ATP10B: variants seen among roughly 807,000 people sequenced by gnomAD.
ATP10B encodes phospholipid-transporting ATPase VB.
ATP10B carries 122 observed loss-of-function variants against 141.2 expected under a neutral mutation model. The observed-to-expected ratio is 0.86, with a 90% confidence interval of 0.75 to 1.00. The LOEUF is 1.00. Ranked by LOEUF, ATP10B falls within the 50% of genes least tolerant of loss-of-function variation. The pLI, the probability that ATP10B is intolerant of heterozygous loss-of-function variation, is 0.00. For synonymous variants in ATP10B, 685 were observed against 692.0 expected, an observed-to-expected ratio of 0.99 and a Z score of 0.16; for missense variants, 1,876 against 1,825.3, an observed-to-expected ratio of 1.03 and a Z score of -0.51.
At chr5:160,591,645 G>A (rs1263496410) in intron 22 of ATP10B, among the ~76,000 whole-genome samples, 2 of 152,162 alleles carry the variant, frequency 1.3e-5, no homozygotes, top group Non-Finnish European at 2.9e-5. Context: ...CAGAAACAAG[G>A]CTTCTCAGGC....
chr5:160,603,749 G>T (rs1445671466), intron 20 of ATP10B: 2 of 526,638 alleles, frequency 3.8e-6, no homozygotes, highest in East Asian at 5.8e-5. Context: ...TAGCAGTCAA[G>T]TTAGTTTGCT....
At chr5:160,753,996 T>C (rs1768342343) in intron 2 of ATP10B, among the ~76,000 whole-genome samples, 1 of 152,152 alleles carries the variant, frequency 6.6e-6, no homozygotes, top group Non-Finnish European at 1.5e-5. Context: ...GTATCCTATA[T>C]TACAAAAGAG....
chr5:160,762,093 A>C (rs1485705042), intron 2 of ATP10B, among the ~76,000 whole-genome samples: 1 of 152,234 alleles, frequency 6.6e-6, no homozygotes, highest in Non-Finnish European at 1.5e-5. Context: ...CATAAGAATA[A>C]TTGGTTTTCT....
At chr5:160,837,988 T>C (rs745408965) in intron 1 of ATP10B, among the ~76,000 whole-genome samples, 1 of 152,204 alleles carries the variant, frequency 6.6e-6, no homozygotes, top group Non-Finnish European at 1.5e-5. Flanking sequence ...CATTTAGGAT[T>C]AGGCAATCTC....
chr5:160,593,509 G>A (rs954297806), intron 22 of ATP10B, among the ~76,000 whole-genome samples: 9 of 152,218 alleles, frequency 5.9e-5, no homozygotes, highest in Non-Finnish European at 1.0e-4. Flanking sequence ...AAAGCAGAGC[G>A]CCTCTCCTCC....
chr5:160,748,550 G>A, intron 2 of ATP10B, among the ~76,000 whole-genome samples: 1 of 152,162 alleles, frequency 6.6e-6, no homozygotes, highest in East Asian at 1.9e-4. Flanking sequence ...CCTGCTCTCG[G>A]CCTGCAGAGA....
intron 24 of ATP10B, among the ~76,000 whole-genome samples, chr5:160,588,370 G>A (rs551063085): frequency 6.6e-6 from 1 of 152,208 alleles, no homozygotes; most frequent in African/African-American, 2.4e-5. Flanking sequence ...GCTGGTTATG[G>A]CCTGCTTTAG....
chr5:160,805,132 T>C (rs964717177), intron 1 of ATP10B, among the ~76,000 whole-genome samples: 3 of 152,254 alleles, frequency 2.0e-5, no homozygotes, highest in African/African-American at 4.8e-5. Context: ...TGTCTATATA[T>C]TACATGTGTT....
rs1757790033 is a variant in ATP10B, at chr5:160,612,759, G to A, written c.2820C>T (p.Thr940=). The part of the protein sequence containing the change: ...RLLNQTDTVY[T]INTENQETCE... Reference sequence around the variant, plus strand: ...ACCTCACCTGATTCTCTGTATTGATGGTATAAACAGTGTCGGTCTGATTTA... The same window carrying A: ...ACCTCACCTGATTCTCTGTATTGATAGTATAAACAGTGTCGGTCTGATTTA... The change falls in exon 18 of 26, where the codon ACC becomes ACT. Residue 940 remains threonine, a synonymous_variant. Transcript: ENST00000327245. 1.2e-6 allele frequency: 2 copies of A among 1,613,466 alleles called. No homozygotes were observed. Among genetic ancestry groups the A allele is most frequent in the Non-Finnish European group, 1.7e-6 (2 of 1,179,716 alleles).
At chr5:160,832,982 G>T (rs1191869588) in intron 1 of ATP10B, among the ~76,000 whole-genome samples, 1 of 152,140 alleles carries the variant, frequency 6.6e-6, no homozygotes, top group African/African-American at 2.4e-5. Flanking sequence ...TGGCATGTGT[G>T]CCAAGTGCGT....
At chr5:160,637,304 C>T (rs984092152) in intron 10 of ATP10B, among the ~76,000 whole-genome samples, 1 of 151,260 alleles carries the variant, frequency 6.6e-6, no homozygotes, top group African/African-American at 2.4e-5. Context: ...CTCCTACCCA[C>T]CTACTTACCC....
At chr5:160,640,253 T>G (rs902740487) in intron 10 of ATP10B, among the ~76,000 whole-genome samples, 3 of 152,234 alleles carry the variant, frequency 2.0e-5, no homozygotes, top group African/African-American at 7.2e-5. Context: ...CTTGACCAAA[T>G]AAATATCAGA....
intron 18 of ATP10B, among the ~76,000 whole-genome samples, chr5:160,611,310 C>T (rs571559678): frequency 2.0e-5 from 3 of 152,276 alleles, no homozygotes; most frequent in South Asian, 2.1e-4. Flanking sequence ...GAAGCCCACT[C>T]GATCTCCCTC....
intron 6 of ATP10B, among the ~76,000 whole-genome samples, chr5:160,675,527 A>T (rs17058094): frequency 0.033 from 5,078 of 152,234 alleles, 189 homozygotes; most frequent in African/African-American, 0.091. Flanking sequence ...TCTGGATTTT[A>T]TTAAGAGAGT....
At chr5:160,748,879 T>A (rs975630418) in intron 2 of ATP10B, among the ~76,000 whole-genome samples, 1 of 152,214 alleles carries the variant, frequency 6.6e-6, no homozygotes, top group Non-Finnish European at 1.5e-5. Context: ...AATAAAATAA[T>A]GTAGCTACTG....
chr5:160,592,037 G>A (rs1437643377), intron 22 of ATP10B, among the ~76,000 whole-genome samples: 1 of 152,142 alleles, frequency 6.6e-6, no homozygotes, highest in African/African-American at 2.4e-5. Context: ...CCTCGATCCA[G>A]CTTCTTGCTG....
intron 2 of ATP10B, among the ~76,000 whole-genome samples, chr5:160,728,436 C>A (rs755258328): frequency 1.3e-5 from 2 of 152,108 alleles, no homozygotes; most frequent in Non-Finnish European, 2.9e-5. Flanking sequence ...ACTCTGGATA[C>A]CATGGCTCAA....
chr5:160,769,730 C>A lies in ATP10B; in HGVS notation c.-331+15829G>T, dbSNP rs112388477. Among the ~76,000 whole-genome samples, 85 of 152,346 alleles carry A rather than the reference C, an allele frequency of 5.6e-4. 1 individual carries two copies. The highest frequency in any genetic ancestry group is 2.0e-3 in the African/African-American group (83 of 41,574). ...AAAGTCAAAAGGAAACCATCTCATTCTCTTGTTCAACATCATTTTCAGTCG... is the reference window on the plus strand; with the variant it reads ...AAAGTCAAAAGGAAACCATCTCATTATCTTGTTCAACATCATTTTCAGTCG... On this transcript the variant is annotated intron_variant, in intron 2 of 25. Transcript: ENST00000327245.
intron 2 of ATP10B, among the ~76,000 whole-genome samples, chr5:160,775,755 G>A (rs1299487671): frequency 7.6e-5 from 11 of 143,978 alleles, no homozygotes; most frequent in South Asian, 2.2e-4. Flanking sequence ...ATCTCGGCTC[G>A]CTGCAAGCTC....
Sources: allele counts gnomAD v4.1 joint callset (sites outside exome capture counted in the v4.1 genomes callset), GRCh38; gene constraint gnomAD v4.1.1; transcripts MANE v1.5; gene names NCBI Gene and HGNC (gene_info 2026-07-23, HGNC 2026-07-21).